The following ELP2 variants were observed in gnomAD, a reference collection of about 807,000 sequenced individuals.
The protein encoded by ELP2 is elongator acetyltransferase complex subunit 2.
ELP2 carries 90 observed loss-of-function variants against 119.2 expected under a neutral mutation model. The ratio of observed to expected loss-of-function variants is 0.75; its 90% CI spans 0.64 to 0.90. The LOEUF is 0.90. Ranked by LOEUF, ELP2 falls within the 40% of genes least tolerant of loss-of-function variation. ELP2 has a pLI of 0.00. For missense variants in ELP2, 921 were observed against 967.8 expected, an observed-to-expected ratio of 0.95 and a Z score of 0.64; for synonymous variants, 339 against 331.0, an observed-to-expected ratio of 1.02 and a Z score of -0.26.
chr18:36,170,878 G>T, intron 20 of ELP2, 169 bp from the exon 21 acceptor site: 4 of 654,390 alleles, frequency 6.1e-6, no homozygotes, highest in Middle Eastern at 2.7e-4. Context: ...TAAAGAGGAG[G>T]CTCCTTGAGG....
chr18:36,160,938 G>A lies in ELP2; in HGVS notation c.1695G>A (p.Gly565=), dbSNP rs771481655. The change falls in exon 17 of 22, where the codon GGG becomes GGA. Residue 565 remains glycine, a synonymous_variant. Transcript: ENST00000358232. ...TLWPEVQKLY[G]HGYEIFCVTC... ...TTTTCTTTTTAAATTTTAGATATGGGCACGGTTATGAAATATTTTGTGTTA... is the reference window on the plus strand; with the variant it reads ...TTTTCTTTTTAAATTTTAGATATGGACACGGTTATGAAATATTTTGTGTTA... 1.9e-6 allele frequency: 3 copies of A among 1,609,886 alleles called. No homozygotes were observed. In the East Asian group the frequency reaches 6.7e-5, roughly 36 times the overall value.
At chr18:36,133,449 A>T in intron 2 of ELP2, 133 bp downstream of exon 2, 1 of 719,316 alleles carries the variant, frequency 1.4e-6, no homozygotes, top group East Asian at 2.7e-5. Context: ...AAACAAGAAA[A>T]ATGGTATTCC....
intron 14 of ELP2, among the ~76,000 whole-genome samples, chr18:36,159,329 T>C (rs923653526): frequency 3.9e-5 from 6 of 152,158 alleles, no homozygotes; most frequent in Admixed American, 3.3e-4. Flanking sequence ...GCCAGAGTGG[T>C]CTGGAACTCC....
chr18:36,156,481 A>G lies in ELP2; in HGVS notation c.1291A>G (p.Ile431Val). The G allele has an allele frequency of 1.2e-6, 2 of 1,614,140 alleles. No individual in the cohort carries two copies. Among genetic ancestry groups the G allele is most frequent in the Non-Finnish European group, 1.7e-6 (2 of 1,179,992 alleles). Residue 431 changes from isoleucine (I) to valine (V), a missense_variant, in exon 13 of 22, where the codon ATT becomes GTT. Coordinates refer to ENST00000358232, the MANE Select transcript of ELP2 (RefSeq NM_018255.4). ...KDQSQVTWHEIARPQIHGYDL... is the reference protein window; with the variant it reads ...KDQSQVTWHEVARPQIHGYDL... ...TTTTACCCAGGTGACTTGGCATGAA[A>G]TTGCAAGGCCTCAGATACATGGGTA...
rs776410485 is a variant in ELP2, at chr18:36,129,906, T to C, written c.-28T>C. The stretch of plus-strand genomic sequence containing the variant: ...CTCCGAGGGCGGAAGTGCGCGTCTC[T>C]TGTTTGTGCGGCTGACCAGTTGGCG... On this transcript the variant is annotated 5_prime_UTR_variant, in exon 1 of 22. Transcript: ENST00000358232. The C allele has an allele frequency of 1.2e-5, 20 of 1,614,030 alleles. No individual in the cohort carries two copies. The highest frequency in any genetic ancestry group is 2.2e-5 in the South Asian group (2 of 91,090).
chr18:36,175,391 T>G lies in ELP2; in HGVS notation c.*750T>G, dbSNP rs2091201654. The G allele has an allele frequency of 6.6e-6, 1 of 152,238 alleles. No individual in the cohort carries two copies. Among genetic ancestry groups the G allele is most frequent in the Admixed American group, 6.5e-5 (1 of 15,288 alleles). The allele number at this position is 152,238 out of a possible 1,614,324, so 9.4% of individuals were successfully genotyped here. A position where few individuals can be genotyped will look rare whatever the true frequency, so the allele number is the denominator to read the frequency against. ...TGTGCTCTGTCTTGATCCCCTTCTTTCTAGCATCTGCCAGACATTGTAGAG... is the reference window on the plus strand; with the variant it reads ...TGTGCTCTGTCTTGATCCCCTTCTTGCTAGCATCTGCCAGACATTGTAGAG... On this transcript the variant is annotated 3_prime_UTR_variant, in exon 22 of 22. Transcript: ENST00000358232.
At chr18:36,132,550 AG>A in intron 1 of ELP2, among the ~76,000 whole-genome samples, 1 of 152,348 alleles carries the variant, frequency 6.6e-6, no homozygotes, top group South Asian at 2.1e-4. Context: ...GTAAAGAGGA[AG>A]GTGCAGTAGT....
intron 14 of ELP2, 90 bp downstream of exon 14, chr18:36,158,994 C>T (rs1464093820): frequency 2.2e-6 from 2 of 915,160 alleles, no homozygotes; most frequent in African/African-American, 3.3e-5. Context: ...ATGTTTGTTA[C>T]AGCTGATTTT....
intron 11 of ELP2, among the ~76,000 whole-genome samples, chr18:36,149,098 T>G (rs544971029): frequency 6.6e-6 from 1 of 152,256 alleles, no homozygotes; most frequent in South Asian, 2.1e-4. Context: ...GAGACTCTTA[T>G]GAGTTGTTAA....
intron 3 of ELP2, 77 bp downstream of exon 3, chr18:36,136,454 C>A: frequency 8.2e-7 from 1 of 1,214,442 alleles, no homozygotes; most frequent in Non-Finnish European, 1.2e-6. Context: ...TTCACTCTGT[C>A]ACCCAGGCTG....
chr18:36,171,959 A>G (rs752318694), intron 21 of ELP2, among the ~76,000 whole-genome samples: 2 of 152,124 alleles, frequency 1.3e-5, no homozygotes, highest in Non-Finnish European at 2.9e-5. Context: ...GGCTCAAGCA[A>G]TCCTCCTGTC....
chr18:36,133,831 A>G (rs1489916177), intron 2 of ELP2, among the ~76,000 whole-genome samples: 2 of 146,784 alleles, frequency 1.4e-5, no homozygotes, highest in African/African-American at 2.5e-5. Flanking sequence ...CAGCGGCTCC[A>G]TCAGAGTTCT....
At chr18:36,141,808 A>T (rs2090040084) in intron 6 of ELP2, among the ~76,000 whole-genome samples, 1 of 151,122 alleles carries the variant, frequency 6.6e-6, no homozygotes, top group Non-Finnish European at 1.5e-5. Context: ...CTCCTGCCTC[A>T]GCCTCCTGTG....
In ELP2 at chr18:36,159,738, A is replaced by T; in HGVS notation, c.1538A>T (p.Asp513Val). 1 of 1,611,540 alleles carries T rather than the reference A, an allele frequency of 6.2e-7. No individual in the cohort carries two copies. The highest frequency in any genetic ancestry group is 8.5e-7 in the Non-Finnish European group (1 of 1,177,826). Residue 513 changes from aspartate to valine, a missense_variant, in exon 15 of 22, where the codon GAT (aspartate) becomes GTT (valine). Transcript: ENST00000358232. ...GLSNKAVFQG[D>V]IASQPSDEEE... ...TTGATGTGTTTCTTCAAACTAGGAGATATAGCTTCTCAGCCTTCTGATGAA... is the reference window on the plus strand; with the variant it reads ...TTGATGTGTTTCTTCAAACTAGGAGTTATAGCTTCTCAGCCTTCTGATGAA...
At chr18:36,156,755 A>T in intron 13 of ELP2, 101 bp downstream of exon 13, 1 of 1,061,990 alleles carries the variant, frequency 9.4e-7, no homozygotes, top group Non-Finnish European at 1.4e-6. Context: ...GGGTAGAAAG[A>T]AAGTAATATT....
intron 5 of ELP2, chr18:36,139,475 C>G (rs1223794841): frequency 6.5e-7 from 1 of 1,535,720 alleles, no homozygotes; most frequent in Non-Finnish European, 8.7e-7. Context: ...ACCAGCCTCT[C>G]TCGCCCTCTG....
At chr18:36,138,728 C>A in intron 4 of ELP2, 67 bp from the exon 5 acceptor site, 1 of 1,318,078 alleles carries the variant, frequency 7.6e-7, no homozygotes, top group Non-Finnish European at 1.1e-6. Context: ...ATGATGCTAT[C>A]CAACCTGTCT....
chr18:36,153,576 G>T (rs1458662869), intron 11 of ELP2, among the ~76,000 whole-genome samples: 1 of 152,128 alleles, frequency 6.6e-6, no homozygotes. Context: ...GATCCCAGAG[G>T]TTGAGGGCTC....
chr18:36,133,112 C>CAAATCT, intron 1 of ELP2, 126 bp from the exon 2 acceptor site: 1 of 711,808 alleles, frequency 1.4e-6, no homozygotes, highest in South Asian at 1.6e-5. Flanking sequence ...TTGAAGAAGG[C>CAAATCT]AAATCTGTTT....
Sources: allele counts gnomAD v4.1 joint callset (sites outside exome capture counted in the v4.1 genomes callset), GRCh38; gene constraint gnomAD v4.1.1; transcripts MANE v1.5; gene names NCBI Gene and HGNC (gene_info 2026-07-23, HGNC 2026-07-21).